B4GALNT2: variants seen among roughly 807,000 people sequenced by gnomAD.
The protein encoded by B4GALNT2 is N-acetylneuraminylgalactosylglucosyl-glucoside beta-1,4-N- acetylgalactosaminyltransferase 2.
Under a neutral mutation model 51.1 loss-of-function variants are expected in B4GALNT2, and 42 were observed. That is an observed-to-expected ratio of 0.82 (90% CI 0.64 to 1.06). The LOEUF is 1.06. Among genes scored for constraint, B4GALNT2 ranks in the 50% least tolerant of loss-of-function variants. The pLI, the probability that B4GALNT2 is intolerant of heterozygous loss-of-function variation, is 0.00. For synonymous variants in B4GALNT2, 253 were observed against 251.7 expected, an observed-to-expected ratio of 1.01 and a Z score of -0.05; for missense variants, 602 against 633.6, an observed-to-expected ratio of 0.95 and a Z score of 0.54.
chr17:49,156,772 G>A (rs964249919), intron 5 of B4GALNT2, among the ~76,000 whole-genome samples, 169 bp downstream of exon 5: 1 of 152,170 alleles, frequency 6.6e-6, no homozygotes, highest in Non-Finnish European at 1.5e-5. Context: ...CTAGCCTTGG[G>A]AGTGGCTGGA....
upstream of B4GALNT2, among the ~76,000 whole-genome samples, chr17:49,128,958 T>C (rs897772983): frequency 6.6e-6 from 1 of 152,144 alleles, no homozygotes; most frequent in East Asian, 1.9e-4. Flanking sequence ...GATGGTCAAG[T>C]TGAGAAGAAA....
Position 49,174,735 on chromosome 17 carries a change from C to T in B4GALNT2, c.*5007C>T, listed in dbSNP as rs967960141. ...GCAGTCATTGTTCTATCCAAATTGGCTCATCTGTTAACCATTTTAAAGGTA... is the reference window on the plus strand; with the variant it reads ...GCAGTCATTGTTCTATCCAAATTGGTTCATCTGTTAACCATTTTAAAGGTA... On this transcript the variant is annotated 3_prime_UTR_variant, in exon 11 of 11. Transcript: ENST00000393354. The T allele has an allele frequency of 6.6e-6, 1 of 152,174 alleles. No homozygotes were observed. The highest frequency in any genetic ancestry group is 2.4e-5 in the African/African-American group (1 of 41,442). The allele number at this position is 152,174 out of a possible 1,614,324, so 9.4% of individuals were successfully genotyped here.
chr17:49,169,448 C>A lies in B4GALNT2; in HGVS notation c.1316-75C>A, dbSNP rs942879004. 2.8e-6 allele frequency: 4 copies of A among 1,417,950 alleles called. No homozygotes were observed. In the African/African-American group the frequency reaches 5.6e-5, roughly 20 times the overall value. The allele number at this position is 1,417,950 out of a possible 1,614,324, so 87.8% of individuals were successfully genotyped here. A position where few individuals can be genotyped will look rare whatever the true frequency, so the allele number is the denominator to read the frequency against. On this transcript the variant is annotated intron_variant, in intron 10 of 10. Coordinates refer to ENST00000393354, the MANE Select transcript of B4GALNT2 (RefSeq NM_001159387.2). ...ACTGTGTCCTCTCCCTGGGACTCTC[C>A]CCCACCAGACCTAGAATAGTGCCCA...
chr17:49,138,219 G>T (rs897093526), intron 1 of B4GALNT2, among the ~76,000 whole-genome samples: 3 of 152,154 alleles, frequency 2.0e-5, no homozygotes, highest in African/African-American at 7.2e-5. Flanking sequence ...ACTCAAGACT[G>T]CATGATTTCA....
At chr17:49,150,482 C>G (rs1039585969) in intron 3 of B4GALNT2, among the ~76,000 whole-genome samples, 1 of 151,530 alleles carries the variant, frequency 6.6e-6, no homozygotes, top group African/African-American at 2.4e-5. Context: ...GAATAGAAAG[C>G]GGGGAAGGGT....
In B4GALNT2 at chr17:49,164,123, A is replaced by G. The variant is rs748648455; in HGVS notation, c.802A>G (p.Lys268Glu). ...KLRNLVTIAT[K>E]TFLRPHKLMI... Reference sequence around the variant, plus strand: ...CAGAAACCTGGTTACCATTGCTACCAAGACTTTCCTCCGCCCCCACAAGCT... The same window carrying G: ...CAGAAACCTGGTTACCATTGCTACCGAGACTTTCCTCCGCCCCCACAAGCT... The change falls in exon 8 of 11, where the codon AAG becomes GAG. Residue 268 changes from lysine to glutamate, a missense_variant. Physicochemically the swap from Lys to Glu is moderately conservative, Grantham distance 56. Coordinates refer to ENST00000393354, the MANE Select transcript of B4GALNT2 (RefSeq NM_001159387.2). 3 of 1,614,152 alleles carry G rather than the reference A, an allele frequency of 1.9e-6. No homozygotes were observed. The highest frequency in any genetic ancestry group is 3.3e-5 in the Admixed American group (2 of 60,018).
chr17:49,165,132 C>T (rs77293531), intron 8 of B4GALNT2, among the ~76,000 whole-genome samples: 2,454 of 152,112 alleles, frequency 0.016, 70 homozygotes, highest in African/African-American at 0.055. Context: ...TCCTCATTTC[C>T]GATGTGGAAA....
chr17:49,141,188 T>C, intron 1 of B4GALNT2, 59 bp from the exon 2 acceptor site: 4 of 1,494,370 alleles, frequency 2.7e-6, no homozygotes, highest in Non-Finnish European at 1.9e-6. Flanking sequence ...CAGTCTCATA[T>C]ACATTACATA....
chr17:49,164,329 G>C, intron 8 of B4GALNT2, 54 bp downstream of exon 8: 1 of 1,526,872 alleles, frequency 6.5e-7, no homozygotes. Flanking sequence ...GAGGGCCCCA[G>C]GGTCAGGTTC....
chr17:49,146,605 C>T (rs1451038034), intron 3 of B4GALNT2, among the ~76,000 whole-genome samples: 1 of 152,232 alleles, frequency 6.6e-6, no homozygotes, highest in African/African-American at 2.4e-5. Flanking sequence ...GCCACCATGC[C>T]TGGCCCAACA....
rs575764426 is a variant in B4GALNT2 at position 49,173,160 on chromosome 17, T to C, written c.*3432T>C. ...AGAGGTGTATGAGCCCTAATGTGAG[T>C]GATGTAAAAAGGATGCATTCTACTC... On this transcript the variant is annotated 3_prime_UTR_variant, in exon 11 of 11. Coordinates refer to ENST00000393354, the MANE Select transcript of B4GALNT2 (RefSeq NM_001159387.2). 6.6e-6 allele frequency: 1 copy of C among 152,220 alleles called. No homozygotes were observed. The highest frequency in any genetic ancestry group is 2.1e-4 in the South Asian group (1 of 4,830). The allele number at this position is 152,220 out of a possible 1,614,324, so 9.4% of individuals were successfully genotyped here.
chr17:49,167,426 A>G (rs1215651190), intron 9 of B4GALNT2, among the ~76,000 whole-genome samples: 1 of 152,124 alleles, frequency 6.6e-6, no homozygotes, highest in Non-Finnish European at 1.5e-5. Flanking sequence ...GGGGAAATGC[A>G]ATCTTTTTTT....
chr17:49,125,835 AG>A, the B4GALNT2 span, among the ~76,000 whole-genome samples: 1 of 75,370 alleles, frequency 1.3e-5, no homozygotes, highest in East Asian at 6.7e-4. Flanking sequence ...GGAAGTGAGG[AG>A]CCCCTCTGCC....
chr17:49,139,363 C>A (rs888755145), intron 1 of B4GALNT2, among the ~76,000 whole-genome samples: 1 of 152,106 alleles, frequency 6.6e-6, no homozygotes. Flanking sequence ...CTCAGCCTCC[C>A]AAGTAGCTGG....
At chr17:49,136,607 C>T (rs767844884) in intron 1 of B4GALNT2, among the ~76,000 whole-genome samples, 5 of 151,886 alleles carry the variant, frequency 3.3e-5, no homozygotes, top group Middle Eastern at 6.8e-3. Context: ...AGCACAGTGG[C>T]GCGATCTCAG....
intron 7 of B4GALNT2, among the ~76,000 whole-genome samples, chr17:49,163,756 C>CAAAAAA (rs10589274): frequency 2.2e-5 from 2 of 91,120 alleles, no homozygotes; most frequent in Non-Finnish European, 4.2e-5. Flanking sequence ...AACTCCGTAT[C>CAAAAAA]AAAAAAAAAA....
At chr17:49,147,782 A>G (rs973250111) in intron 3 of B4GALNT2, among the ~76,000 whole-genome samples, 1 of 151,998 alleles carries the variant, frequency 6.6e-6, no homozygotes, top group Non-Finnish European at 1.5e-5. Context: ...GTCTGCCATT[A>G]TGAATTTGGT....
chr17:49,149,572 G>A (rs932506934), intron 3 of B4GALNT2, among the ~76,000 whole-genome samples: 43 of 150,836 alleles, frequency 2.9e-4, no homozygotes, highest in African/African-American at 9.8e-4. Flanking sequence ...GCTTGAACCC[G>A]GGAGGTGGAG....
At chr17:49,144,414 T>G (rs971689898) in intron 3 of B4GALNT2, among the ~76,000 whole-genome samples, 10 of 152,146 alleles carry the variant, frequency 6.6e-5, no homozygotes, top group Admixed American at 1.3e-4. Flanking sequence ...GGACAGCCAG[T>G]GGAATACACA....
Sources: allele counts gnomAD v4.1 joint callset (sites outside exome capture counted in the v4.1 genomes callset), GRCh38; gene constraint gnomAD v4.1.1; transcripts MANE v1.5; gene names NCBI Gene and HGNC (gene_info 2026-07-23, HGNC 2026-07-21).